Variants in MEGF11 observed in about 807,000 individuals in gnomAD.
The protein encoded by MEGF11 is multiple epidermal growth factor-like domains protein 11.
Under a neutral mutation model 146.6 loss-of-function variants are expected in MEGF11, and 126 were observed. That is an observed-to-expected ratio of 0.86 (90% CI 0.74 to 1.00). The LOEUF (loss-of-function observed/expected upper bound fraction) is 1.00. MEGF11 is among the 50% of genes least tolerant of loss of function. The pLI is 0.00. For synonymous variants in MEGF11, 532 were observed against 583.4 expected, an observed-to-expected ratio of 0.91 and a Z score of 1.27; for missense variants, 1,509 against 1,521.2, an observed-to-expected ratio of 0.99 and a Z score of 0.13.
intron 7 of MEGF11, among the ~76,000 whole-genome samples, chr15:65,971,806 A>C (rs539071384): frequency 6.6e-6 from 1 of 152,302 alleles, no homozygotes; most frequent in Non-Finnish European, 1.5e-5. Flanking sequence ...ATAGGCCCTC[A>C]CATGAAAGAG....
At chr15:66,175,565 T>C (rs1277484090) in intron 1 of MEGF11, among the ~76,000 whole-genome samples, 2 of 152,128 alleles carry the variant, frequency 1.3e-5, no homozygotes, top group Non-Finnish European at 2.9e-5. Flanking sequence ...GAACATACAA[T>C]GGGGAAAGGA....
chr15:66,078,000 T>A lies in MEGF11; in HGVS notation c.394+16402A>T, dbSNP rs79528059. On this transcript the variant is annotated intron_variant, in intron 5 of 25. Coordinates refer to ENST00000395614, the MANE Select transcript of MEGF11 (RefSeq NM_001385028.1). ...GAGCAGGGACACAGGTGTGGCCCAA[T>A]TGGCGTTTCAGTAGCCTCCCCACCT... Among the ~76,000 whole-genome samples the A allele has an allele frequency of 1.9e-4, 29 of 152,160 alleles. No individual in the cohort carries two copies. In the East Asian group the frequency reaches 5.0e-3, roughly 26 times the overall value.
intron 1 of MEGF11, among the ~76,000 whole-genome samples, chr15:66,240,270 C>G (rs55801103): frequency 0.016 from 2,468 of 152,320 alleles, 27 homozygotes; most frequent in Middle Eastern, 0.078. Context: ...TCTTGCCAAC[C>G]CTGGAACCAG....
At chr15:66,252,750 G>A (rs1052428784) in intron 1 of MEGF11, among the ~76,000 whole-genome samples, 2 of 152,236 alleles carry the variant, frequency 1.3e-5, no homozygotes, top group Non-Finnish European at 2.9e-5. Flanking sequence ...AGTCCAGGAG[G>A]AAGGCGGCTG....
intron 1 of MEGF11, among the ~76,000 whole-genome samples, chr15:66,162,050 C>G (rs191632638): frequency 4.5e-4 from 69 of 152,230 alleles, no homozygotes; most frequent in African/African-American, 1.3e-3. Context: ...TTGAGGCCCA[C>G]GGAATTGATC....
intron 1 of MEGF11, among the ~76,000 whole-genome samples, chr15:66,136,381 C>T (rs1443121260): frequency 6.6e-6 from 1 of 152,184 alleles, no homozygotes; most frequent in Non-Finnish European, 1.5e-5. Context: ...CAGGGTCTCT[C>T]CCGCCACACC....
intron 5 of MEGF11, among the ~76,000 whole-genome samples, chr15:66,045,371 G>C (rs2084163411): frequency 6.6e-6 from 1 of 152,204 alleles, no homozygotes; most frequent in Non-Finnish European, 1.5e-5. Flanking sequence ...AGAGAGGGGA[G>C]GGATGGGGAG....
At chr15:65,961,097 A>T (rs1411937748) in intron 9 of MEGF11, among the ~76,000 whole-genome samples, 2 of 152,138 alleles carry the variant, frequency 1.3e-5, no homozygotes, top group Non-Finnish European at 2.9e-5. Context: ...CATGATGGAG[A>T]GCTGTGATTG....
intron 1 of MEGF11, among the ~76,000 whole-genome samples, chr15:66,160,196 G>C (rs1016601230): frequency 6.7e-6 from 1 of 150,146 alleles, no homozygotes; most frequent in Non-Finnish European, 1.5e-5. Context: ...AGGCTAGAAA[G>C]GGCTTTGTTT....
intron 5 of MEGF11, among the ~76,000 whole-genome samples, chr15:66,059,737 C>G (rs1356585661): frequency 6.6e-6 from 1 of 152,140 alleles, no homozygotes; most frequent in Non-Finnish European, 1.5e-5. Context: ...AGGACCAGAA[C>G]GTCCCAGAAC....
At chr15:66,021,979 C>G (rs1427555491) in intron 5 of MEGF11, among the ~76,000 whole-genome samples, 1 of 152,164 alleles carries the variant, frequency 6.6e-6, no homozygotes, top group Non-Finnish European at 1.5e-5. Context: ...CAGGGAGGAA[C>G]AAGCCATGTG....
At chr15:66,119,222 G>A in intron 3 of MEGF11, 36 bp from the exon 4 acceptor site, 1 of 1,387,736 alleles carries the variant, frequency 7.2e-7, no homozygotes, top group Non-Finnish European at 1.0e-6. Flanking sequence ...TGAAAGTATT[G>A]AAAATCAATC....
chr15:65,935,984 C>CA (rs2079771235), intron 10 of MEGF11, among the ~76,000 whole-genome samples: 1 of 152,204 alleles, frequency 6.6e-6, no homozygotes, highest in Non-Finnish European at 1.5e-5. Context: ...CCCACCCCGG[C>CA]ATATCCCCTG....
rs1268259031 is a variant in MEGF11 at position 66,186,027 on chromosome 15, A to AG, written c.-8-57617dup. Among the ~76,000 whole-genome samples the AG allele has an allele frequency of 5.3e-5, 8 of 152,044 alleles. No individual in the cohort carries two copies. The East Asian group carries it at 7.7e-4, about 15-fold the overall frequency. On this transcript the variant is annotated intron_variant, in intron 1 of 25. Coordinates refer to ENST00000395614, the MANE Select transcript of MEGF11 (RefSeq NM_001385028.1). ...GACCACTTCAGCAGCTACTGGGGAG[A>AG]GGTGGGGGCAGCCCCAGGACCTTCC... is the stretch of plus-strand genomic sequence containing the variant.
intron 4 of MEGF11, among the ~76,000 whole-genome samples, chr15:66,118,177 T>C (rs1032574553): frequency 6.6e-6 from 1 of 151,908 alleles, no homozygotes; most frequent in African/African-American, 2.4e-5. Context: ...TCTCCTACAG[T>C]AGAGGGAACC....
intron 18 of MEGF11, among the ~76,000 whole-genome samples, 169 bp downstream of exon 18, chr15:65,915,979 A>G (rs1159664884): frequency 1.3e-5 from 2 of 152,212 alleles, no homozygotes; most frequent in East Asian, 1.9e-4. Flanking sequence ...TCTTCAAACA[A>G]TAATGTAGGC....
At chr15:66,082,286 G>A (rs1445722500) in intron 5 of MEGF11, among the ~76,000 whole-genome samples, 1 of 151,004 alleles carries the variant, frequency 6.6e-6, no homozygotes. Context: ...AGGCTGCTGG[G>A]CAGATGAAAT....
At chr15:65,997,293 A>C (rs1311544251) in intron 5 of MEGF11, among the ~76,000 whole-genome samples, 1 of 152,188 alleles carries the variant, frequency 6.6e-6, no homozygotes, top group East Asian at 1.9e-4. Context: ...AAGGAACGAC[A>C]CTTCTGCTGC....
chr15:66,108,319 C>T (rs1407704717), intron 4 of MEGF11, among the ~76,000 whole-genome samples: 1 of 152,134 alleles, frequency 6.6e-6, no homozygotes, highest in South Asian at 2.1e-4. Context: ...AAGGTGCCTC[C>T]AATTTTCCAA....
Sources: gnomAD v4.1 joint callset for allele counts (sites outside exome capture counted in the v4.1 genomes callset) on GRCh38, gnomAD v4.1.1 for gene constraint, MANE v1.5 for transcripts, NCBI Gene and HGNC (gene_info 2026-07-23, HGNC 2026-07-21) for gene names.